FAM227B: variants seen among roughly 807,000 people sequenced by gnomAD.
The protein encoded by FAM227B is family with sequence similarity 227 member B.
FAM227B carries 88 observed loss-of-function variants against 73.8 expected under a neutral mutation model. The ratio of observed to expected loss-of-function variants is 1.19; its 90% CI spans 1.00 to 1.42. The LOEUF is 1.42. FAM227B is among the 40% of genes most tolerant of loss of function. The pLI is 0.00. For synonymous variants in FAM227B, 210 were observed against 190.5 expected (o/e 1.10, Z -0.84); for missense variants, 632 against 590.9 (o/e 1.07, Z -0.72).
intron 11 of FAM227B, among the ~76,000 whole-genome samples, chr15:49,441,964 C>T (rs1292012326): frequency 6.6e-6 from 1 of 151,316 alleles, no homozygotes; most frequent in African/African-American, 2.4e-5. Context: ...GTCTGTCTGG[C>T]TAGAGCTCCT....
chr15:49,385,523 C>T (rs2046825697), intron 11 of FAM227B, among the ~76,000 whole-genome samples: 1 of 149,312 alleles, frequency 6.7e-6, no homozygotes. Flanking sequence ...AGCCTTAAAA[C>T]AAAAGCCCAA....
At chr15:49,430,979 T>A (rs901658905) in intron 11 of FAM227B, among the ~76,000 whole-genome samples, 2 of 149,808 alleles carry the variant, frequency 1.3e-5, no homozygotes, top group African/African-American at 4.9e-5. Flanking sequence ...AGGGCAAAGC[T>A]TTTTTTATTT....
At chr15:49,510,276 T>C (rs1422622284) in intron 10 of FAM227B, among the ~76,000 whole-genome samples, 3 of 152,176 alleles carry the variant, frequency 2.0e-5, no homozygotes, top group Admixed American at 6.6e-5. Context: ...ATTGTAACTA[T>C]GTAAAATCTT....
chr15:49,605,275 T>C (rs1284996222), intron 3 of FAM227B, among the ~76,000 whole-genome samples: 1 of 152,140 alleles, frequency 6.6e-6, no homozygotes, highest in Non-Finnish European at 1.5e-5. Flanking sequence ...GTTCAGTATG[T>C]GGGCAGGCCT....
rs768844377 is a variant in FAM227B at position 49,327,939 on chromosome 15, C to T, written c.*629G>A. On this transcript the variant is annotated 3_prime_UTR_variant, in exon 16 of 16. Transcript: ENST00000299338. ...ATTTATAGGTTCTAATATTTTTTTC[C>T]TCACTGTTTTAGGAAGTTTGGGGCT... The T allele has an allele frequency of 1.0e-5, 16 of 1,588,800 alleles. No homozygotes were observed. In the Admixed American group the frequency reaches 1.1e-4, roughly 11 times the overall value.
At chr15:49,592,605 C>T (rs542396243) in intron 3 of FAM227B, among the ~76,000 whole-genome samples, 9 of 152,330 alleles carry the variant, frequency 5.9e-5, no homozygotes, top group Admixed American at 1.3e-4. Flanking sequence ...CTGTTGGCCC[C>T]TACTGGGAGG....
At chr15:49,577,156 G>A (rs1020087189) in intron 6 of FAM227B, 31 of 284,952 alleles carry the variant, frequency 1.1e-4, no homozygotes, top group African/African-American at 6.1e-4. Flanking sequence ...AATTAGCTGG[G>A]CGTGGTGGCA....
chr15:49,402,187 A>T (rs2048209954), intron 11 of FAM227B, among the ~76,000 whole-genome samples: 1 of 152,070 alleles, frequency 6.6e-6, no homozygotes. Context: ...ACAATAAAAT[A>T]CTGCAAGACA....
At chr15:49,501,766 C>A (rs1017777734) in intron 11 of FAM227B, among the ~76,000 whole-genome samples, 6 of 152,168 alleles carry the variant, frequency 3.9e-5, no homozygotes, top group African/African-American at 1.4e-4. Context: ...GGAAAAAGGC[C>A]TTGAAGGCAT....
At chr15:49,335,199 G>A (rs537945248) in intron 14 of FAM227B, among the ~76,000 whole-genome samples, 1 of 152,178 alleles carries the variant, frequency 6.6e-6, no homozygotes, top group South Asian at 2.1e-4. Flanking sequence ...GTCACACCAA[G>A]CAAAGCTTCC....
intron 11 of FAM227B, among the ~76,000 whole-genome samples, chr15:49,497,301 C>T (rs2057708244): frequency 6.6e-6 from 1 of 152,180 alleles, no homozygotes; most frequent in Non-Finnish European, 1.5e-5. Flanking sequence ...AATACATGAT[C>T]TGAATCTTAT....
intron 9 of FAM227B, among the ~76,000 whole-genome samples, chr15:49,566,062 T>C (rs577854213): frequency 3.3e-5 from 5 of 152,290 alleles, no homozygotes; most frequent in Admixed American, 3.3e-4. Context: ...AGAAAATTAA[T>C]TTCTATTGCT....
chr15:49,545,243 T>C (rs1321455296), intron 9 of FAM227B, among the ~76,000 whole-genome samples: 1 of 152,186 alleles, frequency 6.6e-6, no homozygotes, highest in Non-Finnish European at 1.5e-5. Flanking sequence ...GTATATTTCC[T>C]GGAATTTATC....
chr15:49,352,697 G>C (rs1030142009), intron 13 of FAM227B, among the ~76,000 whole-genome samples: 2 of 152,078 alleles, frequency 1.3e-5, no homozygotes, highest in Non-Finnish European at 2.9e-5. Context: ...ATAAGACAGT[G>C]AACAAATTAA....
At chr15:49,460,629 A>G (rs1309292862) in intron 11 of FAM227B, among the ~76,000 whole-genome samples, 21 of 152,212 alleles carry the variant, frequency 1.4e-4, no homozygotes, top group Admixed American at 1.4e-3. Flanking sequence ...GTCAGAAAAC[A>G]AATATTTTAA....
At chr15:49,599,581 C>T (rs2077069907) in intron 3 of FAM227B, among the ~76,000 whole-genome samples, 1 of 151,926 alleles carries the variant, frequency 6.6e-6, no homozygotes, top group South Asian at 2.1e-4. Context: ...TATAAACTTC[C>T]CTCTTAGAAA....
At chr15:49,495,501 T>C (rs1052817502) in intron 11 of FAM227B, among the ~76,000 whole-genome samples, 1 of 152,188 alleles carries the variant, frequency 6.6e-6, no homozygotes, top group East Asian at 1.9e-4. Flanking sequence ...GCTACCACTT[T>C]GGGAGTTTGT....
chr15:49,461,189 C>T (rs911024906), intron 11 of FAM227B, among the ~76,000 whole-genome samples: 7 of 152,178 alleles, frequency 4.6e-5, no homozygotes, highest in Non-Finnish European at 8.8e-5. Flanking sequence ...CTTTTCTCTT[C>T]CTTACTACTT....
At chr15:49,562,865 A>G (rs2074366210) in intron 9 of FAM227B, among the ~76,000 whole-genome samples, 2 of 152,272 alleles carry the variant, frequency 1.3e-5, no homozygotes, top group Non-Finnish European at 2.9e-5. Flanking sequence ...AATAAGAGCC[A>G]TCTATGACAA....
Sources: allele counts gnomAD v4.1 joint callset (sites outside exome capture counted in the v4.1 genomes callset), GRCh38; gene constraint gnomAD v4.1.1; transcripts MANE v1.5; gene names NCBI Gene and HGNC (gene_info 2026-07-23, HGNC 2026-07-21).